CCT8: variants seen among roughly 807,000 people sequenced by gnomAD.
CCT8 encodes chaperonin containing TCP1 subunit 8.
A neutral mutation model predicts 65.7 loss-of-function variants in CCT8; 10 were observed. That is an observed-to-expected ratio of 0.15 (90% confidence interval 0.09 to 0.26). The LOEUF (loss-of-function observed/expected upper bound fraction) is 0.26. Ranked by LOEUF, CCT8 falls within the 10% of genes least tolerant of loss-of-function variation. The pLI, the probability that CCT8 is intolerant of heterozygous loss-of-function variation, is 1.00. For synonymous variants in CCT8, 199 were observed against 221.8 expected (o/e 0.90, Z 0.92); for missense variants, 568 against 669.1 (o/e 0.85, Z 1.67).
intron 6 of CCT8, among the ~76,000 whole-genome samples, chr21:29,065,709 G>A (rs2085614041): frequency 6.6e-6 from 1 of 152,166 alleles, no homozygotes; most frequent in East Asian, 1.9e-4. Flanking sequence ...TTATTGAAGA[G>A]GAATAGGACG....
rs567025329 is a variant in CCT8 at position 29,057,704 on chromosome 21, TATATA to T, written c.1570-1157_1570-1153del. Among the ~76,000 whole-genome samples, 126 of 83,534 alleles carry T rather than the reference TATATA, an allele frequency of 1.5e-3. 2 individuals carry two copies. The highest frequency in any genetic ancestry group is 3.3e-3 in the African/African-American group (104 of 31,630). 54.8% of individuals were successfully genotyped at this position (83,534 alleles called of 152,430 possible). On this transcript the variant is annotated intron_variant, in intron 14 of 14. Coordinates refer to ENST00000286788, the MANE Select transcript of CCT8 (RefSeq NM_006585.4). ...CGATACATATATCATACATATATCA[TATATA>T]ATATATATCATACATATATGTATGA...
Position 29,069,259 on chromosome 21 carries a change from A to C in CCT8, c.231+164T>G, listed in dbSNP as rs541015103. On this transcript the variant is annotated intron_variant, in intron 3 of 14. Transcript: ENST00000286788. Reference sequence around the variant, plus strand: ...TAAGATTTCAGTGGCTAAAACATTCAATCTAAAGAGGACTCTTTATAATTA... The same window carrying C: ...TAAGATTTCAGTGGCTAAAACATTCCATCTAAAGAGGACTCTTTATAATTA... Among the ~76,000 whole-genome samples, 35 of 152,348 alleles carry C rather than the reference A, an allele frequency of 2.3e-4. No individual in the cohort carries two copies. In the South Asian group the frequency reaches 6.0e-3, roughly 26 times the overall value.
At chr21:29,062,615 G>A in intron 8 of CCT8, 59 bp from the exon 9 acceptor site, 10 of 1,403,000 alleles carry the variant, frequency 7.1e-6, no homozygotes, top group Non-Finnish European at 9.9e-6. Context: ...AGCATATAAA[G>A]TTCAAATTAA....
chr21:29,064,883 G>A, intron 7 of CCT8, 85 bp downstream of exon 7: 1 of 1,170,956 alleles, frequency 8.5e-7, no homozygotes. Context: ...AGTTTTTTAA[G>A]AAGTACTTAC....
Position 29,066,877 on chromosome 21 carries a change from T to C in CCT8, c.562+14A>G. On this transcript the variant is annotated intron_variant, in intron 5 of 14. Coordinates refer to ENST00000286788, the MANE Select transcript of CCT8 (RefSeq NM_006585.4). ...TTTTATTTTGGATCTTTTCATTTACTGATATTTACTTACCGCATGCCTGAG... is the reference window on the plus strand; with the variant it reads ...TTTTATTTTGGATCTTTTCATTTACCGATATTTACTTACCGCATGCCTGAG... 6.3e-7 allele frequency: 1 copy of C among 1,592,834 alleles called. No homozygotes were observed. Among genetic ancestry groups the C allele is most frequent in the Non-Finnish European group, 8.6e-7 (1 of 1,167,574 alleles).
chr21:29,071,929 T>C lies in CCT8; in HGVS notation c.61-1592A>G, dbSNP rs1178295571. ...AAGGCCCTACGTATCCCGGCCCTTG[T>C]ATGGCTCCTCCTCTGAACTTACCAT... On this transcript the variant is annotated intron_variant, in intron 1 of 14. Transcript: ENST00000286788. 1.4e-5 allele frequency: 10 copies of C among 702,406 alleles called. No individual in the cohort carries two copies. The Middle Eastern group carries it at 6.9e-4, about 48-fold the overall frequency. 43.5% of individuals were successfully genotyped at this position (702,406 alleles called of 1,614,324 possible).
At chr21:29,059,720 G>T (rs1293327688) in intron 14 of CCT8, 1 of 152,060 alleles carries the variant, frequency 6.6e-6, no homozygotes, top group Non-Finnish European at 1.5e-5. Flanking sequence ...TCAATGACTT[G>T]AAACTAAATA....
chr21:29,068,979 A>G (rs2085654011), intron 3 of CCT8, among the ~76,000 whole-genome samples: 1 of 152,206 alleles, frequency 6.6e-6, no homozygotes, highest in African/African-American at 2.4e-5. Context: ...GGCAGGCAGT[A>G]TCTATTTTAT....
At chr21:29,069,325 C>G (rs1328793487) in intron 3 of CCT8, 98 bp downstream of exon 3, 2 of 626,414 alleles carry the variant, frequency 3.2e-6, no homozygotes, top group East Asian at 5.8e-5. Flanking sequence ...GAAAAATAGT[C>G]CCTTATCCAA....
chr21:29,062,833 CAG>C, intron 8 of CCT8: 1 of 470,640 alleles, frequency 2.1e-6, no homozygotes, highest in Non-Finnish European at 3.8e-6. Context: ...TTTAGGATGT[CAG>C]TGGTTTATAG....
intron 13 of CCT8, 79 bp from the exon 14 acceptor site, chr21:29,060,739 G>A (rs2146423706): frequency 6.8e-7 from 1 of 1,460,614 alleles, no homozygotes; most frequent in South Asian, 1.2e-5. Flanking sequence ...GCCTCACATA[G>A]CTCCTTAAAT....
intron 7 of CCT8, 88 bp from the exon 8 acceptor site, chr21:29,063,618 AG>A (rs2085588312): frequency 1.6e-6 from 2 of 1,288,812 alleles, no homozygotes; most frequent in Admixed American, 3.9e-5. Flanking sequence ...GAAGAAATAA[AG>A]GTTTGGCAAA....
chr21:29,062,484 A>G lies in CCT8; in HGVS notation c.1008+6T>C. The G allele has an allele frequency of 1.2e-6, 2 of 1,613,508 alleles. No individual in the cohort carries two copies. The highest frequency in any genetic ancestry group is 1.7e-6 in the Non-Finnish European group (2 of 1,179,460). On this transcript the variant is annotated splice_donor_region_variant and intron_variant, in intron 9 of 14. Coordinates refer to ENST00000286788, the MANE Select transcript of CCT8 (RefSeq NM_006585.4). ...ACTATCTTTTAGTGTTTTCCAAAAT[A>G]CATACCAATCTAGGAAGAGCTGTAG...
rs1156595795 is a variant in CCT8 at position 29,057,110 on chromosome 21, A to T, written c.1570-558T>A. Among the ~76,000 whole-genome samples, 5 of 147,528 alleles carry T rather than the reference A, an allele frequency of 3.4e-5. No individual in the cohort carries two copies. In the East Asian group the frequency reaches 9.8e-4, roughly 29 times the overall value. ...AAACAAAAATCTAAGTTCCCAACTT[A>T]AAAAAAAAAGCGCCACAAACCTCAC... On this transcript the variant is annotated intron_variant, in intron 14 of 14. Coordinates refer to ENST00000286788, the MANE Select transcript of CCT8 (RefSeq NM_006585.4).
chr21:29,069,585 G>C, intron 2 of CCT8, 83 bp from the exon 3 acceptor site: 1 of 747,576 alleles, frequency 1.3e-6, no homozygotes, highest in Non-Finnish European at 2.2e-6. Flanking sequence ...ATCTAGTTAA[G>C]AAATTATAAA....
At chr21:29,070,130 G>T in intron 2 of CCT8, 117 bp downstream of exon 2, 1 of 537,192 alleles carries the variant, frequency 1.9e-6, no homozygotes, top group South Asian at 3.3e-5. Flanking sequence ...AACTATCATT[G>T]AGCTATCAAA....
chr21:29,057,263 C>T (rs1355510587), intron 14 of CCT8, among the ~76,000 whole-genome samples: 2 of 151,448 alleles, frequency 1.3e-5, no homozygotes, highest in South Asian at 4.2e-4. Context: ...CCTCTGCCTC[C>T]TGGGTTCAAG....
At chr21:29,057,265 G>A (rs2085508409) in intron 14 of CCT8, among the ~76,000 whole-genome samples, 1 of 151,230 alleles carries the variant, frequency 6.6e-6, no homozygotes, top group Non-Finnish European at 1.5e-5. Flanking sequence ...TCTGCCTCCT[G>A]GGTTCAAGCA....
At chr21:29,067,785 A>T in intron 3 of CCT8, 80 bp from the exon 4 acceptor site, 1 of 1,101,580 alleles carries the variant, frequency 9.1e-7, no homozygotes, top group South Asian at 3.3e-5. Context: ...TCTTAAATAG[A>T]CTCAATTTTC....
Sources: allele counts gnomAD v4.1 joint callset (sites outside exome capture counted in the v4.1 genomes callset), GRCh38; gene constraint gnomAD v4.1.1; transcripts MANE v1.5; gene names NCBI Gene and HGNC (gene_info 2026-07-23, HGNC 2026-07-21).